LRP1B: variants seen among roughly 807,000 people sequenced by gnomAD.
The protein encoded by LRP1B is LDL receptor related protein 1B, also known as low-density lipoprotein receptor-related protein 1B.
Under a neutral mutation model 556.6 loss-of-function variants are expected in LRP1B, and 217 were observed. The observed-to-expected ratio is 0.39, with a 90% confidence interval of 0.35 to 0.44. The LOEUF is 0.44. LRP1B is among the 20% of genes least tolerant of loss of function. The pLI is 1.00. For missense variants in LRP1B, 5,053 were observed against 5,620.8 expected (o/e 0.90, Z 3.23); for synonymous variants, 2,047 against 1,865.8 (o/e 1.10, Z -2.50).
In LRP1B at chr2:140,329,827, T is replaced by C. The variant is rs1573801635; in HGVS notation, c.12224-3949A>G. 2.6e-5 allele frequency among the ~76,000 whole-genome samples: 4 copies of C among 152,034 alleles called. No homozygotes were observed. In the East Asian group the frequency reaches 7.8e-4, roughly 30 times the overall value. On this transcript the variant is annotated intron_variant, in intron 79 of 90. Transcript: ENST00000389484. ...AAAATGGCCATACTACCCAAAGTAA[T>C]TTATACATTCACTGCTATTCCTGTT...
chr2:140,423,138 CA>C (rs1195569860), intron 66 of LRP1B, among the ~76,000 whole-genome samples: 4 of 152,138 alleles, frequency 2.6e-5, no homozygotes, highest in Non-Finnish European at 4.4e-5. Context: ...CACCTTACAC[CA>C]GTAGCTCTTG....
intron 41 of LRP1B, among the ~76,000 whole-genome samples, chr2:140,618,157 T>C (rs1207477670): frequency 6.6e-6 from 1 of 151,976 alleles, no homozygotes; most frequent in Non-Finnish European, 1.5e-5. Context: ...TGCATGCATA[T>C]ATTCCTAGAG....
intron 41 of LRP1B, 58 bp downstream of exon 41, chr2:140,700,192 T>C (rs2105419238): frequency 7.1e-7 from 1 of 1,406,974 alleles, no homozygotes; most frequent in Non-Finnish European, 9.9e-7. Context: ...CTATTATTTC[T>C]CTAGTAATCT....
chr2:140,285,737 T>A (rs1683118682), intron 84 of LRP1B, among the ~76,000 whole-genome samples: 1 of 151,786 alleles, frequency 6.6e-6, no homozygotes, highest in African/African-American at 2.4e-5. Context: ...ATTCAATCAC[T>A]GTAATTAATC....
At chr2:140,617,500 A>G (rs575105046) in intron 41 of LRP1B, among the ~76,000 whole-genome samples, 1 of 152,108 alleles carries the variant, frequency 6.6e-6, no homozygotes, top group South Asian at 2.1e-4. Context: ...AAAAGTGGTA[A>G]GAAATTAATT....
Position 141,139,798 on chromosome 2 carries a change from T to C in LRP1B, c.1013+48623A>G, listed in dbSNP as rs1311318768. ...TTGGAAAAATGTGTGTGTGTGTGTG[T>C]GTGTGTGTGTGTGTGTGTGTGTATC... On this transcript the variant is annotated intron_variant, in intron 7 of 90. Transcript: ENST00000389484. Among the ~76,000 whole-genome samples, 6 of 151,528 alleles carry C rather than the reference T, an allele frequency of 4.0e-5. No individual in the cohort carries two copies. The East Asian group carries it at 7.8e-4, about 20-fold the overall frequency.
chr2:140,297,691 G>A (rs1683663772), intron 84 of LRP1B, 117 bp downstream of exon 84: 1 of 1,123,954 alleles, frequency 8.9e-7, no homozygotes, highest in Non-Finnish European at 1.3e-6. Context: ...GAGTGACAGA[G>A]ACTGAACCTG....
intron 2 of LRP1B, among the ~76,000 whole-genome samples, chr2:141,768,138 T>C (rs567939740): frequency 6.6e-6 from 1 of 152,288 alleles, no homozygotes; most frequent in Non-Finnish European, 1.5e-5. Flanking sequence ...ATCGTGTGCA[T>C]TGTGTCAATG....
chr2:140,552,932 G>A (rs1680597773), intron 43 of LRP1B, among the ~76,000 whole-genome samples: 1 of 151,972 alleles, frequency 6.6e-6, no homozygotes, highest in African/African-American at 2.4e-5. Flanking sequence ...TTGCATCTTG[G>A]AACTTCACTG....
intron 2 of LRP1B, among the ~76,000 whole-genome samples, chr2:141,710,718 T>C (rs17744874): frequency 0.13 from 19,120 of 152,172 alleles, 1,321 homozygotes; most frequent in South Asian, 0.16. Context: ...AGTGAAAAGA[T>C]TCTCCAACTA....
intron 17 of LRP1B, among the ~76,000 whole-genome samples, chr2:140,982,870 T>A (rs924842948): frequency 1.3e-5 from 2 of 151,930 alleles, no homozygotes; most frequent in Middle Eastern, 3.4e-3. Context: ...TTTTTTTTTT[T>A]AACTCACTTT....
intron 3 of LRP1B, among the ~76,000 whole-genome samples, chr2:141,476,105 C>T (rs1005929489): frequency 3.9e-5 from 6 of 152,120 alleles, no homozygotes; most frequent in Non-Finnish European, 8.8e-5. Context: ...AAAGTGCTGG[C>T]CCCAGCTCCT....
At chr2:141,568,373 T>C (rs1675783533) in intron 2 of LRP1B, among the ~76,000 whole-genome samples, 1 of 151,192 alleles carries the variant, frequency 6.6e-6, no homozygotes, top group South Asian at 2.1e-4. Flanking sequence ...GGATTCTATT[T>C]TTACCTGAGT....
Position 140,233,237 on chromosome 2 carries a change from T to C in LRP1B, c.13749A>G (p.Lys4583=). 1 of 1,606,196 alleles carries C rather than the reference T, an allele frequency of 6.2e-7. No homozygotes were observed. Among genetic ancestry groups the C allele is most frequent in the Non-Finnish European group, 8.5e-7 (1 of 1,174,742 alleles). ...RNSLGSVDER[K]ELLPKKIEIG... The stretch of plus-strand genomic sequence containing the variant: ...TTTCTATTTTCTTTGGAAGCAGTTC[T>C]TTCCTTTCATCAACACTTCCTAAGG... The change falls in exon 91 of 91, where the codon AAA becomes AAG. Residue 4583 remains lysine, a synonymous_variant. Transcript: ENST00000389484.
intron 6 of LRP1B, among the ~76,000 whole-genome samples, chr2:141,227,934 CTTTCTT>C (rs1449345560): frequency 3.3e-5 from 5 of 152,066 alleles, no homozygotes; most frequent in African/African-American, 1.2e-4. Context: ...TTTCTCTTCT[CTTTCTT>C]TTTAAGACAG....
intron 2 of LRP1B, among the ~76,000 whole-genome samples, chr2:141,530,033 G>A (rs1022442932): frequency 3.9e-5 from 6 of 152,092 alleles, no homozygotes; most frequent in African/African-American, 1.4e-4. Context: ...TATTGTGAAC[G>A]ATTAAGGTGA....
intron 4 of LRP1B, among the ~76,000 whole-genome samples, chr2:141,253,015 A>C (rs1403866478): frequency 3.9e-5 from 6 of 152,188 alleles, no homozygotes; most frequent in Non-Finnish European, 7.3e-5. Context: ...ACACTCAGGA[A>C]TCTACGTATT....
chr2:140,353,127 T>A, intron 75 of LRP1B, 55 bp from the exon 76 acceptor site: 1 of 1,573,334 alleles, frequency 6.4e-7, no homozygotes, highest in African/African-American at 1.4e-5. Flanking sequence ...AGACTCCTAT[T>A]CTTACCACGT....
At chr2:141,449,878 G>A (rs1308095470) in intron 3 of LRP1B, among the ~76,000 whole-genome samples, 1 of 152,110 alleles carries the variant, frequency 6.6e-6, no homozygotes, top group East Asian at 1.9e-4. Flanking sequence ...GTTGCCCTGT[G>A]CATTGTAGGA....
Sources: allele counts gnomAD v4.1 joint callset (sites outside exome capture counted in the v4.1 genomes callset), GRCh38; gene constraint gnomAD v4.1.1; transcripts MANE v1.5; gene names NCBI Gene and HGNC (gene_info 2026-07-23, HGNC 2026-07-21).